The following MKLN1 variants were observed in gnomAD, a reference collection of about 807,000 sequenced individuals.
MKLN1 encodes muskelin.
Under a neutral mutation model 99.0 loss-of-function variants are expected in MKLN1, and 18 were observed. The observed-to-expected ratio is 0.18, with a 90% CI of 0.13 to 0.27. MKLN1 has a LOEUF of 0.27. MKLN1 is among the 10% of genes least tolerant of loss of function. The pLI is 1.00. For missense variants in MKLN1, 621 were observed against 875.9 expected, an observed-to-expected ratio of 0.71 and a Z score of 3.67; for synonymous variants, 288 against 293.2, an observed-to-expected ratio of 0.98 and a Z score of 0.18.
Position 131,495,782 on chromosome 7 carries a change from C to A in MKLN1, c.*8054C>A, listed in dbSNP as rs764684153. Reference sequence around the variant, plus strand: ...CTGAACTCTGGGTGTAAAATGTTATCCAGAAGCTATAGGGAGCTGCCTTGC... The same window carrying A: ...CTGAACTCTGGGTGTAAAATGTTATACAGAAGCTATAGGGAGCTGCCTTGC... On this transcript the variant is annotated 3_prime_UTR_variant, in exon 18 of 18. Coordinates refer to ENST00000352689, the MANE Select transcript of MKLN1 (RefSeq NM_013255.5). 1.3e-5 allele frequency: 2 copies of A among 152,156 alleles called. No individual in the cohort carries two copies. Among genetic ancestry groups the A allele is most frequent in the African/African-American group, 2.4e-5 (1 of 41,420 alleles). 9.4% of individuals were successfully genotyped at this position (152,156 alleles called of 1,614,324 possible). A position where few individuals can be genotyped will look rare whatever the true frequency, so the allele number is the denominator to read the frequency against.
intron 2 of MKLN1, among the ~76,000 whole-genome samples, chr7:131,192,729 A>G (rs1349880107): frequency 6.6e-6 from 1 of 151,652 alleles, no homozygotes; most frequent in African/African-American, 2.4e-5. Context: ...TTTAGTACAG[A>G]TGGGGTTTCA....
intron 2 of MKLN1, among the ~76,000 whole-genome samples, chr7:131,184,530 CTT>C (rs111728654): frequency 4.1e-5 from 6 of 147,974 alleles, no homozygotes; most frequent in African/African-American, 1.2e-4. Flanking sequence ...GGCAGTAATA[CTT>C]TTTTTTTTTG....
intron 3 of MKLN1, among the ~76,000 whole-genome samples, chr7:131,286,499 T>C (rs1345469990): frequency 6.6e-6 from 1 of 152,188 alleles, no homozygotes; most frequent in Non-Finnish European, 1.5e-5. Flanking sequence ...AGATATATCA[T>C]TCTGTTACAG....
At chr7:131,160,960 T>A (rs1796039122) in intron 2 of MKLN1, among the ~76,000 whole-genome samples, 1 of 152,230 alleles carries the variant, frequency 6.6e-6, no homozygotes, top group Admixed American at 6.5e-5. Flanking sequence ...ATCAATATGA[T>A]GGTGTCTCCT....
At chr7:131,229,270 G>A (rs542826593) in intron 3 of MKLN1, among the ~76,000 whole-genome samples, 13 of 151,952 alleles carry the variant, frequency 8.6e-5, no homozygotes, top group Middle Eastern at 3.4e-3. Context: ...CCATCGATCC[G>A]TCATCTACAT....
Position 131,490,453 on chromosome 7 carries a change from G to A in MKLN1, c.*2725G>A, listed in dbSNP as rs1328078157. ...CTGATTTTCAAGACACCTCTTAAGT[G>A]CATTTGCATTTTATTTTGGTAATGG... On this transcript the variant is annotated 3_prime_UTR_variant, in exon 18 of 18. Coordinates refer to ENST00000352689, the MANE Select transcript of MKLN1 (RefSeq NM_013255.5). 2 of 152,552 alleles carry A rather than the reference G, an allele frequency of 1.3e-5. No homozygotes were observed. The highest frequency in any genetic ancestry group is 2.9e-5 in the Non-Finnish European group (2 of 67,998). The allele number at this position is 152,552 out of a possible 1,614,324, so 9.4% of individuals were successfully genotyped here.
chr7:131,469,231 C>T (rs1019036687), intron 15 of MKLN1, among the ~76,000 whole-genome samples: 2 of 152,038 alleles, frequency 1.3e-5, no homozygotes, highest in African/African-American at 2.4e-5. Context: ...GATGGCCGGC[C>T]GGCCAGACGG....
At chr7:131,147,310 G>C (rs931994217) in intron 2 of MKLN1, among the ~76,000 whole-genome samples, 1 of 150,536 alleles carries the variant, frequency 6.6e-6, no homozygotes, top group Admixed American at 6.7e-5. Flanking sequence ...CACCCGCCTC[G>C]ACCTCCCAAA....
At chr7:131,211,853 T>C (rs1196142451) in intron 3 of MKLN1, among the ~76,000 whole-genome samples, 1 of 152,138 alleles carries the variant, frequency 6.6e-6, no homozygotes, top group Non-Finnish European at 1.5e-5. Context: ...GGTCAAAATA[T>C]TGGTTAATAG....
chr7:131,207,597 T>A (rs866095684), intron 3 of MKLN1, among the ~76,000 whole-genome samples: 2 of 152,134 alleles, frequency 1.3e-5, no homozygotes, highest in Non-Finnish European at 2.9e-5. Context: ...TACTACAGAT[T>A]CAAACTTCCC....
At chr7:131,303,123 G>A (rs1381430726) in intron 3 of MKLN1, among the ~76,000 whole-genome samples, 1 of 152,204 alleles carries the variant, frequency 6.6e-6, no homozygotes, top group Non-Finnish European at 1.5e-5. Context: ...CACTTATAAA[G>A]AGGAATTATT....
intron 1 of MKLN1, among the ~76,000 whole-genome samples, chr7:131,346,497 A>T (rs957214645): frequency 4.0e-5 from 6 of 150,524 alleles, no homozygotes; most frequent in Admixed American, 2.6e-4. Context: ...ACTCCAGCCT[A>T]GTGACAGAGC....
At chr7:131,376,973 T>C (rs1026478032) in intron 2 of MKLN1, among the ~76,000 whole-genome samples, 1 of 152,202 alleles carries the variant, frequency 6.6e-6, no homozygotes, top group African/African-American at 2.4e-5. Flanking sequence ...TAACATGATG[T>C]TTATTAATAT....
In MKLN1 at chr7:131,487,713, C is replaced by A; in HGVS notation, c.2193C>A (p.Asp731Glu). ...CTCCTCCTAAAGGCAACCTGGTAGA[C>A]CTCATCACACTGTAACTGAAGAGTC... ...SMTPPKGNLVDLITL is the reference protein window; with the variant it reads ...SMTPPKGNLVELITL The change falls in exon 18 of 18, where the codon GAC (aspartate) becomes GAA (glutamate). Residue 731 changes from aspartate to glutamate, a missense_variant. Asp to Glu is a conservative substitution (Grantham distance 45). Around this residue, in one of 8 missense-constraint regions of MKLN1, gnomAD observed 126 missense variants for 157.4 expected, o/e 0.80. Transcript: ENST00000352689. The surrounding 1 kb of genome is among the most constrained non-coding windows in gnomAD (Gnocchi z 4.7). 6.2e-7 allele frequency: 1 copy of A among 1,612,642 alleles called. No homozygotes were observed. The highest frequency in any genetic ancestry group is 8.5e-7 in the Non-Finnish European group (1 of 1,179,190).
intron 8 of MKLN1, among the ~76,000 whole-genome samples, chr7:131,420,504 G>A (rs1428586059): frequency 1.3e-5 from 2 of 152,152 alleles, no homozygotes; most frequent in Non-Finnish European, 2.9e-5. Flanking sequence ...ATGGTGGGTT[G>A]TTCAGCAACT....
At chr7:131,384,083 C>A (rs1433356647) in intron 2 of MKLN1, among the ~76,000 whole-genome samples, 1 of 152,062 alleles carries the variant, frequency 6.6e-6, no homozygotes, top group East Asian at 1.9e-4. Flanking sequence ...CAACACATAC[C>A]ATTTTCTGCC....
intron 12 of MKLN1, among the ~76,000 whole-genome samples, chr7:131,459,044 A>G (rs995919742): frequency 1.3e-5 from 2 of 152,228 alleles, no homozygotes; most frequent in Admixed American, 1.3e-4. Context: ...TGACCCAAAG[A>G]TACGGGGAAA....
chr7:131,151,892 C>T (rs1325979431), intron 2 of MKLN1, among the ~76,000 whole-genome samples: 3 of 152,056 alleles, frequency 2.0e-5, no homozygotes, highest in Non-Finnish European at 4.4e-5. Context: ...AAAAGTGAAA[C>T]ATAAGGAAAA....
intron 12 of MKLN1, among the ~76,000 whole-genome samples, chr7:131,452,747 CA>C (rs1796220724): frequency 6.6e-6 from 1 of 152,010 alleles, no homozygotes; most frequent in Non-Finnish European, 1.5e-5. Context: ...GACGGGGTTT[CA>C]TCATGTTGGC....
Sources: allele counts gnomAD v4.1 joint callset (sites outside exome capture counted in the v4.1 genomes callset), GRCh38; gene constraint gnomAD v4.1.1; regional missense constraint gnomAD v4.1.1; non-coding constraint Gnocchi (gnomAD v3.1); transcripts MANE v1.5; gene names NCBI Gene and HGNC (gene_info 2026-07-23, HGNC 2026-07-21).